The following SLC24A2 variants were observed in gnomAD, a reference collection of about 807,000 sequenced individuals.
The protein encoded by SLC24A2 is sodium/potassium/calcium exchanger 2.
Under a neutral mutation model 62.0 loss-of-function variants are expected in SLC24A2, and 36 were observed. The observed-to-expected ratio is 0.58, with a 90% CI of 0.44 to 0.77. SLC24A2 has a LOEUF of 0.77. Among genes scored for constraint, SLC24A2 ranks in the 30% least tolerant of loss-of-function variants. The pLI, the probability that SLC24A2 is intolerant of heterozygous loss-of-function variation, is 0.00. For synonymous variants in SLC24A2, 358 were observed against 294.0 expected (o/e 1.22, Z -2.23); for missense variants, 846 against 817.9 (o/e 1.03, Z -0.42).
At chr9:20,115,974 A>G in the SLC24A2 span, among the ~76,000 whole-genome samples, 1 of 152,166 alleles carries the variant, frequency 6.6e-6, no homozygotes, top group African/African-American at 2.4e-5. Context: ...AAGGCTGCCA[A>G]CTCACAATGG....
chr9:20,296,628 G>C, the SLC24A2 span, among the ~76,000 whole-genome samples: 1 of 152,212 alleles, frequency 6.6e-6, no homozygotes, highest in Non-Finnish European at 1.5e-5. Flanking sequence ...ATGATTTCTT[G>C]AAGTCCCAAT....
At chr9:20,002,163 C>T in the SLC24A2 span, among the ~76,000 whole-genome samples, 3 of 152,192 alleles carry the variant, frequency 2.0e-5, no homozygotes, top group African/African-American at 4.8e-5. Context: ...TGCTTGTCAC[C>T]ACAAGATTTC....
At chr9:19,967,939 T>C in the SLC24A2 span, 1 of 152,194 alleles carries the variant, frequency 6.6e-6, no homozygotes, top group Non-Finnish European at 1.5e-5. Context: ...AAGGTTGGAT[T>C]TGAAATAACT....
the SLC24A2 span, among the ~76,000 whole-genome samples, chr9:19,850,949 A>ATATATATATATATATATATATG: frequency 2.5e-5 from 1 of 39,510 alleles, no homozygotes; most frequent in East Asian, 3.9e-4. Context: ...ATATATACAT[A>ATATATATATATATATATATATG]TATATATATA....
the SLC24A2 span, among the ~76,000 whole-genome samples, chr9:19,886,664 A>G: frequency 2.0e-5 from 3 of 152,196 alleles, no homozygotes; most frequent in African/African-American, 7.2e-5. Context: ...AAGATTTAGA[A>G]CCAGAAATAC....
chr9:20,161,900 C>T, the SLC24A2 span, among the ~76,000 whole-genome samples: 1 of 151,626 alleles, frequency 6.6e-6, no homozygotes, highest in East Asian at 1.9e-4. Flanking sequence ...ATATTCGCTA[C>T]TGTTTAATAT....
chr9:19,584,452 G>A (rs560739445), intron 5 of SLC24A2, among the ~76,000 whole-genome samples: 1 of 152,204 alleles, frequency 6.6e-6, no homozygotes, highest in South Asian at 2.1e-4. Flanking sequence ...ATGGATGGTG[G>A]AGGCCTTCTT....
intron 2 of SLC24A2, among the ~76,000 whole-genome samples, chr9:19,658,653 A>T (rs1819008578): frequency 6.6e-6 from 1 of 152,202 alleles, no homozygotes; most frequent in Non-Finnish European, 1.5e-5. Context: ...TGTATGCTCC[A>T]GGAGGCCAAC....
chr9:19,533,900 T>C (rs1271353399), intron 8 of SLC24A2, among the ~76,000 whole-genome samples: 2 of 152,244 alleles, frequency 1.3e-5, no homozygotes, highest in Non-Finnish European at 2.9e-5. Context: ...TCATTTGGCA[T>C]ATTGTATATG....
the SLC24A2 span, among the ~76,000 whole-genome samples, chr9:19,873,477 CTCCT>C: frequency 4.3e-5 from 6 of 139,872 alleles, no homozygotes; most frequent in East Asian, 4.1e-4. Flanking sequence ...CTTTCTCTCT[CTCCT>C]TCCTTCCTTC....
the SLC24A2 span, among the ~76,000 whole-genome samples, chr9:20,229,537 C>A: frequency 1.3e-5 from 2 of 152,032 alleles, no homozygotes; most frequent in Non-Finnish European, 2.9e-5. Context: ...TGACAATGTG[C>A]CAGACACTAA....
At chr9:19,598,675 G>GTA (rs1276385452) in intron 4 of SLC24A2, among the ~76,000 whole-genome samples, 2 of 151,688 alleles carry the variant, frequency 1.3e-5, no homozygotes, top group African/African-American at 2.4e-5. Flanking sequence ...ATACATACGT[G>GTA]TATATATATG....
At chr9:19,860,524 G>C in the SLC24A2 span, among the ~76,000 whole-genome samples, 8,784 of 152,168 alleles carry the variant, frequency 0.058, 353 homozygotes, top group African/African-American at 0.1. Flanking sequence ...CAGCTGTGGT[G>C]GCTATGGGTC....
At chr9:19,815,595 T>C in the SLC24A2 span, among the ~76,000 whole-genome samples, 2 of 152,156 alleles carry the variant, frequency 1.3e-5, no homozygotes, top group Admixed American at 6.6e-5. Context: ...ATGTATGCCA[T>C]GGAACCTATC....
the SLC24A2 span, among the ~76,000 whole-genome samples, chr9:20,250,030 C>G: frequency 1.4e-3 from 208 of 152,216 alleles, 1 homozygote; most frequent in African/African-American, 4.8e-3. Context: ...TCAATTTTTG[C>G]TAAATAATGA....
At chr9:20,152,584 T>A in the SLC24A2 span, among the ~76,000 whole-genome samples, 2 of 151,890 alleles carry the variant, frequency 1.3e-5, no homozygotes, top group Admixed American at 1.3e-4. Flanking sequence ...AAGGTGACTG[T>A]TTGAATTCTA....
chr9:19,644,463 C>A lies in SLC24A2; in HGVS notation c.931-22164G>T, dbSNP rs368805203. Among the ~76,000 whole-genome samples the A allele has an allele frequency of 1.2e-4, 19 of 152,176 alleles. 1 individual carries two copies. In the South Asian group the frequency reaches 3.9e-3, roughly 32 times the overall value. ...CAGTTTTGTTTTCATCCCTATGTTA[C>A]AGATGGGAAAAATGAGGGAAGTGAG... On this transcript the variant is annotated intron_variant, in intron 2 of 10. Coordinates refer to ENST00000341998, the MANE Select transcript of SLC24A2 (RefSeq NM_020344.4).
chr9:19,557,172 C>T (rs977201468), intron 7 of SLC24A2, among the ~76,000 whole-genome samples: 1 of 152,182 alleles, frequency 6.6e-6, no homozygotes, highest in Admixed American at 6.5e-5. Flanking sequence ...CCCCACTTTC[C>T]TCAGTTCTAA....
the SLC24A2 span, chr9:19,929,289 G>T: frequency 1.3e-5 from 2 of 152,222 alleles, no homozygotes; most frequent in Admixed American, 1.3e-4. Context: ...GGAAGTCCAA[G>T]ATGCCCATGG....
Sources: allele counts gnomAD v4.1 joint callset (sites outside exome capture counted in the v4.1 genomes callset), GRCh38; gene constraint gnomAD v4.1.1; transcripts MANE v1.5; gene names NCBI Gene and HGNC (gene_info 2026-07-23, HGNC 2026-07-21).